PHTF1: variants seen among roughly 807,000 people sequenced by gnomAD.
The protein encoded by PHTF1 is protein PHTF1.
A neutral mutation model predicts 102.4 loss-of-function variants in PHTF1; 88 were observed. That is an observed-to-expected ratio of 0.86 (90% CI 0.72 to 1.03). PHTF1 has a LOEUF of 1.03. Ranked by LOEUF, PHTF1 falls within the 50% of genes least tolerant of loss-of-function variation. PHTF1 has a pLI of 0.00. For synonymous variants in PHTF1, 289 were observed against 305.2 expected (o/e 0.95, Z 0.55); for missense variants, 814 against 909.5 (o/e 0.89, Z 1.35).
At chr1:113,723,265 C>T (rs370200348) in intron 7 of PHTF1, among the ~76,000 whole-genome samples, 32 of 151,734 alleles carry the variant, frequency 2.1e-4, no homozygotes, top group African/African-American at 7.7e-4. Context: ...GCAACCTCTG[C>T]CTCCCAGGTT....
chr1:113,746,640 A>G (rs1325178968), intron 3 of PHTF1, among the ~76,000 whole-genome samples: 2 of 152,232 alleles, frequency 1.3e-5, no homozygotes, highest in African/African-American at 4.8e-5. Context: ...TAAATAAAGC[A>G]TATTGGTATA....
Position 113,704,083 on chromosome 1 carries a change from G to A in PHTF1, c.1888C>T (p.Gln630Ter). 1.2e-6 allele frequency: 2 copies of A among 1,604,890 alleles called. No individual in the cohort carries two copies. Among genetic ancestry groups the A allele is most frequent in the Non-Finnish European group, 1.7e-6 (2 of 1,171,822 alleles). The part of the protein sequence containing the change: ...TLSIAFICCA[Q>*]VLQGHKTFLN... ...TAAAGCAGATGTGAAACTTTTACCTGAGCACAACAAATGAAAGCAATCGAA... is the reference window on the plus strand; with the variant it reads ...TAAAGCAGATGTGAAACTTTTACCTAAGCACAACAAATGAAAGCAATCGAA... Residue 630 changes from glutamine (Q) to a stop codon, truncating the protein, a stop_gained and splice_region_variant, in exon 15 of 19, where the codon CAG becomes TAG. Transcript: ENST00000369604. LOFTEE classifies it high-confidence loss of function.
At chr1:113,724,239 C>G (rs1557935770) in intron 7 of PHTF1, among the ~76,000 whole-genome samples, 1 of 152,172 alleles carries the variant, frequency 6.6e-6, no homozygotes, top group Non-Finnish European at 1.5e-5. Context: ...AATAGAACTA[C>G]CATATGATCC....
chr1:113,741,948 A>G (rs1474429115), intron 3 of PHTF1, among the ~76,000 whole-genome samples: 1 of 152,126 alleles, frequency 6.6e-6, no homozygotes, highest in East Asian at 1.9e-4. Flanking sequence ...ACTGTTGTAT[A>G]TTTTGCACTG....
At chr1:113,708,786 ATTC>A (rs1461699654) in intron 11 of PHTF1, among the ~76,000 whole-genome samples, 1 of 152,180 alleles carries the variant, frequency 6.6e-6, no homozygotes, top group Non-Finnish European at 1.5e-5. Context: ...ACACTCAATT[ATTC>A]TTATATATGT....
At chr1:113,708,352 G>A (rs1030862111) in intron 11 of PHTF1, among the ~76,000 whole-genome samples, 1 of 152,214 alleles carries the variant, frequency 6.6e-6, no homozygotes, top group African/African-American at 2.4e-5. Context: ...CCAGCTGGGC[G>A]CGGTGGCTCA....
At chr1:113,698,507 T>C (rs1649049656) in intron 17 of PHTF1, 120 bp from the exon 18 acceptor site, 2 of 821,454 alleles carry the variant, frequency 2.4e-6, no homozygotes, top group East Asian at 2.8e-5. Context: ...TCCTTAATAT[T>C]CAAAGAGCTA....
chr1:113,704,476 A>G (rs567482052), intron 14 of PHTF1, among the ~76,000 whole-genome samples, 190 bp downstream of exon 14: 2 of 152,216 alleles, frequency 1.3e-5, no homozygotes, highest in African/African-American at 2.4e-5. Context: ...TTCCCTTTCT[A>G]AGCTCTTCTT....
chr1:113,729,027 A>C (rs1179400603), intron 5 of PHTF1, among the ~76,000 whole-genome samples: 2 of 152,244 alleles, frequency 1.3e-5, no homozygotes. Flanking sequence ...CTAAGTGTCC[A>C]TCAGCAGATG....
chr1:113,733,753 A>G (rs948550324), intron 5 of PHTF1, among the ~76,000 whole-genome samples: 5 of 152,320 alleles, frequency 3.3e-5, no homozygotes, highest in Non-Finnish European at 7.3e-5. Context: ...TAAAGCACCT[A>G]GGCCATGATA....
Position 113,710,440 on chromosome 1 carries a change from G to C in PHTF1, c.1083C>G (p.Ser361Arg), listed in dbSNP as rs201708782. 33 of 1,613,948 alleles carry C rather than the reference G, an allele frequency of 2.0e-5. No individual in the cohort carries two copies. In the Admixed American group the frequency reaches 2.8e-4, roughly 14 times the overall value. The change falls in exon 11 of 19, where the codon AGC (serine) becomes AGG (arginine). Residue 361 changes from serine (S) to arginine (R), a missense_variant. Ser to Arg is a moderately radical substitution (Grantham distance 110, BLOSUM62 -1). Transcript: ENST00000369604. ...CTGAGTCTCTTCTTGACATGTTGAG[G>C]CTTCGAGAGCCACCACTCACACCCG... ...SRSGVSGGSR[S>R]LNMSRRDSES...
At chr1:113,702,452 T>C (rs1361103257) in intron 15 of PHTF1, among the ~76,000 whole-genome samples, 1 of 151,592 alleles carries the variant, frequency 6.6e-6, no homozygotes, top group Non-Finnish European at 1.5e-5. Context: ...TGAGGATGGA[T>C]TAAAAAAAAA....
chr1:113,732,285 C>G (rs1654776673), intron 5 of PHTF1, among the ~76,000 whole-genome samples: 1 of 152,206 alleles, frequency 6.6e-6, no homozygotes, highest in African/African-American at 2.4e-5. Flanking sequence ...ATCACGAGGT[C>G]AGGAGTTCAA....
intron 1 of PHTF1, 124 bp downstream of exon 1, chr1:113,758,899 G>T: frequency 7.7e-7 from 1 of 1,300,894 alleles, no homozygotes; most frequent in Non-Finnish European, 9.8e-7. Flanking sequence ...CTGGCGCAGC[G>T]GCGACCGGAG....
chr1:113,705,045 G>C (rs1221864534), intron 13 of PHTF1, among the ~76,000 whole-genome samples: 1 of 152,150 alleles, frequency 6.6e-6, no homozygotes, highest in Non-Finnish European at 1.5e-5. Flanking sequence ...ATTCTTTGGA[G>C]ACCCCCAAAG....
intron 5 of PHTF1, among the ~76,000 whole-genome samples, chr1:113,736,226 CA>C (rs1655461432): frequency 6.6e-6 from 1 of 150,826 alleles, no homozygotes; most frequent in Non-Finnish European, 1.5e-5. Flanking sequence ...CCTGTAGTCC[CA>C]GCTACTCGGG....
chr1:113,745,549 TGCACA>T (rs1487971339), intron 3 of PHTF1, among the ~76,000 whole-genome samples: 1 of 152,152 alleles, frequency 6.6e-6, no homozygotes, highest in Non-Finnish European at 1.5e-5. Context: ...GGAACCAGGT[TGCACA>T]GCAGGAGGTG....
chr1:113,738,336 C>T (rs1655840736), intron 4 of PHTF1, 68 bp from the exon 5 acceptor site: 2 of 1,209,098 alleles, frequency 1.7e-6, no homozygotes, highest in Non-Finnish European at 2.4e-6. Context: ...ACCTGTAGCA[C>T]TACATTAAAA....
intron 3 of PHTF1, among the ~76,000 whole-genome samples, chr1:113,745,047 C>T (rs1322458552): frequency 6.6e-6 from 1 of 150,660 alleles, no homozygotes; most frequent in Non-Finnish European, 1.5e-5. Flanking sequence ...CAGGGCAGGG[C>T]AGGGCAAGAA....
Sources: gnomAD v4.1 joint callset for allele counts (sites outside exome capture counted in the v4.1 genomes callset) on GRCh38, gnomAD v4.1.1 for gene constraint, MANE v1.5 for transcripts, NCBI Gene and HGNC (gene_info 2026-07-23, HGNC 2026-07-21) for gene names.